Variants in DENND1B observed in about 807,000 individuals in gnomAD.
The protein encoded by DENND1B is DENN domain-containing protein 1B.
DENND1B carries 59 observed loss-of-function variants against 90.1 expected under a neutral mutation model. That is an observed-to-expected ratio of 0.65 (90% CI 0.53 to 0.81). The LOEUF is 0.81. Ranked by LOEUF, DENND1B falls within the 40% of genes least tolerant of loss-of-function variation. The probability of loss-of-function intolerance (pLI) is 0.00; values close to 1 mark genes in which losing one functional copy is unlikely to be tolerated. For missense variants in DENND1B, 862 were observed against 912.6 expected (o/e 0.94, Z 0.71); for synonymous variants, 337 against 324.6 (o/e 1.04, Z -0.41).
chr1:197,630,688 A>T (rs1170874231), intron 10 of DENND1B, among the ~76,000 whole-genome samples: 2 of 151,912 alleles, frequency 1.3e-5, no homozygotes, highest in African/African-American at 4.8e-5. Context: ...ATAATTCTAA[A>T]TTTTTCTTTC....
intron 3 of DENND1B, among the ~76,000 whole-genome samples, chr1:197,701,460 G>A (rs887547881): frequency 6.6e-6 from 1 of 151,888 alleles, no homozygotes; most frequent in South Asian, 2.1e-4. Flanking sequence ...GGAACTTAGC[G>A]GACAGGTGAA....
At chr1:197,572,291 C>T (rs578027879) in intron 15 of DENND1B, among the ~76,000 whole-genome samples, 2 of 152,282 alleles carry the variant, frequency 1.3e-5, no homozygotes, top group African/African-American at 2.4e-5. Flanking sequence ...GTGGGTCCCA[C>T]GCCCACAGAG....
chr1:197,514,722 G>T (rs75278174), intron 20 of DENND1B, among the ~76,000 whole-genome samples: 1,629 of 149,116 alleles, frequency 0.011, 25 homozygotes, highest in African/African-American at 0.038. Flanking sequence ...AAATAAAGTT[G>T]TTTTTTTTTA....
At position 197,775,310 on chromosome 1, in the gene DENND1B, C is replaced by G; in HGVS notation, c.-155G>C. ...AGCAGCCGTGGCGGCGGGCCCATGT[C>G]GGCTGCGCCCCCGGCACTTCCCCGC... On this transcript the variant is annotated 5_prime_UTR_variant, in exon 1 of 23. Transcript: ENST00000620048. The G allele has an allele frequency of 2.1e-6, 1 of 480,382 alleles. No homozygotes were observed. Among genetic ancestry groups the G allele is most frequent in the East Asian group, 4.3e-5 (1 of 23,188 alleles). The allele number at this position is 480,382 out of a possible 1,614,324, so 29.8% of individuals were successfully genotyped here. A position where few individuals can be genotyped will look rare whatever the true frequency, so the allele number is the denominator to read the frequency against.
chr1:197,621,422 T>G (rs1678150795), intron 10 of DENND1B, among the ~76,000 whole-genome samples: 1 of 151,368 alleles, frequency 6.6e-6, no homozygotes, highest in Non-Finnish European at 1.5e-5. Flanking sequence ...CTGGAACATT[T>G]TGAGAATACA....
intron 13 of DENND1B, among the ~76,000 whole-genome samples, chr1:197,596,267 TTTTAAGTG>T (rs1231118565): frequency 6.6e-6 from 1 of 152,106 alleles, no homozygotes; most frequent in African/African-American, 2.4e-5. Context: ...ATGAACAGAA[TTTTAAGTG>T]AGATCATACT....
At chr1:197,699,456 T>C (rs1658795495) in intron 3 of DENND1B, among the ~76,000 whole-genome samples, 1 of 152,042 alleles carries the variant, frequency 6.6e-6, no homozygotes, top group Non-Finnish European at 1.5e-5. Context: ...CTAATATCAC[T>C]GAATGGGCAA....
chr1:197,632,974 T>C (rs1343600428), intron 10 of DENND1B, among the ~76,000 whole-genome samples: 3 of 152,124 alleles, frequency 2.0e-5, no homozygotes, highest in African/African-American at 7.2e-5. Flanking sequence ...AAAGTAAAAG[T>C]TAATGAAAAA....
At chr1:197,582,234 T>C (rs1039751549) in intron 15 of DENND1B, among the ~76,000 whole-genome samples, 1 of 152,202 alleles carries the variant, frequency 6.6e-6, no homozygotes, top group Non-Finnish European at 1.5e-5. Context: ...TCAGAAGTAG[T>C]AGCATTAATT....
chr1:197,766,410 T>C (rs1242251831), intron 2 of DENND1B, among the ~76,000 whole-genome samples: 3 of 152,376 alleles, frequency 2.0e-5, no homozygotes, highest in Non-Finnish European at 4.4e-5. Context: ...AATAATGCAA[T>C]ACCTCCTAAA....
chr1:197,696,843 CCCTTTTCCTTCAAGAAACATACATACAG>C (rs1332189552), intron 3 of DENND1B, among the ~76,000 whole-genome samples: 2 of 150,454 alleles, frequency 1.3e-5, no homozygotes, highest in African/African-American at 4.9e-5. Context: ...AAAGTTCTGC[CCCTTTTCCTTCAAGAAACATACATACAG>C]CCTAGGAGAG....
chr1:197,758,646 G>C lies in DENND1B; in HGVS notation c.82+14222C>G, dbSNP rs74688795. 6.8e-4 allele frequency among the ~76,000 whole-genome samples: 104 copies of C among 152,130 alleles called. No individual in the cohort carries two copies. In the East Asian group the frequency reaches 0.02, roughly 29 times the overall value. ...TACCAAGAACTATGTTTCAACTCTC[G>C]GTCCAGTATCTTCCCATTCCACCAT... On this transcript the variant is annotated intron_variant, in intron 2 of 22. Coordinates refer to ENST00000620048, the MANE Select transcript of DENND1B (RefSeq NM_001195215.2).
At chr1:197,713,849 T>TAATA (rs1558433312) in intron 3 of DENND1B, among the ~76,000 whole-genome samples, 2 of 58,806 alleles carry the variant, frequency 3.4e-5, no homozygotes, top group East Asian at 5.8e-4. Context: ...TTATATTATA[T>TAATA]TATTATAATA....
chr1:197,539,994 T>G lies in DENND1B; in HGVS notation c.1485A>C (p.Gly495=). ...TPVYKLHNEK[G]GNSEKRKLAQ... The stretch of plus-strand genomic sequence containing the variant: ...CAAGCTTACGCTTTTCTGAGTTTCC[T>G]CCCTTTTCATTGTGTAATTTGTAAA... The change falls in exon 20 of 23, where the codon GGA becomes GGC. Residue 495 remains glycine, a synonymous_variant. Transcript: ENST00000620048. 1 of 1,613,344 alleles carries G rather than the reference T, an allele frequency of 6.2e-7. No individual in the cohort carries two copies. Among genetic ancestry groups the G allele is most frequent in the Non-Finnish European group, 8.5e-7 (1 of 1,179,528 alleles).
intron 15 of DENND1B, among the ~76,000 whole-genome samples, chr1:197,558,000 T>A (rs917455487): frequency 1.3e-5 from 2 of 151,874 alleles, no homozygotes; most frequent in African/African-American, 4.8e-5. Context: ...TAAACACATA[T>A]CTACAGGTAA....
intron 15 of DENND1B, among the ~76,000 whole-genome samples, chr1:197,572,365 G>A (rs1673243558): frequency 6.6e-6 from 1 of 152,180 alleles, no homozygotes; most frequent in Admixed American, 6.5e-5. Flanking sequence ...GGTGAGGAGA[G>A]GGGCGTCCGC....
intron 11 of DENND1B, among the ~76,000 whole-genome samples, chr1:197,616,808 T>C (rs1218840255): frequency 6.6e-6 from 1 of 151,156 alleles, no homozygotes; most frequent in East Asian, 1.9e-4. Flanking sequence ...GTCAAAATTG[T>C]TTCCTTCTAT....
intron 12 of DENND1B, among the ~76,000 whole-genome samples, chr1:197,608,597 T>C (rs1676898098): frequency 6.6e-6 from 1 of 150,658 alleles, no homozygotes; most frequent in African/African-American, 2.4e-5. Flanking sequence ...TAATTTTGAT[T>C]TTCATCTTCA....
chr1:197,539,382 C>T lies in DENND1B; in HGVS notation c.1515+582G>A, dbSNP rs150712649. Among the ~76,000 whole-genome samples, 110 of 151,716 alleles carry T rather than the reference C, an allele frequency of 7.3e-4. 1 individual carries two copies. In the East Asian group the frequency reaches 0.018, roughly 25 times the overall value. ...ACTTAAGATACAATTTTGTATATAC[C>T]AATTTTGTTTAGTTAGAGCCTTCAT... is the stretch of plus-strand genomic sequence containing the variant. On this transcript the variant is annotated intron_variant, in intron 20 of 22. Transcript: ENST00000620048.
Sources: gnomAD v4.1 joint callset for allele counts (sites outside exome capture counted in the v4.1 genomes callset) on GRCh38, gnomAD v4.1.1 for gene constraint, MANE v1.5 for transcripts, NCBI Gene and HGNC (gene_info 2026-07-23, HGNC 2026-07-21) for gene names.